The following SMARCA2 variants were observed in gnomAD, a reference collection of about 807,000 sequenced individuals.
SMARCA2 encodes the protein SWI/SNF-related matrix-associated actin-dependent regulator of chromatin subfamily A member 2.
In SMARCA2, 61 loss-of-function variants were observed where a neutral mutation model predicts 199.8. The observed-to-expected ratio is 0.31, with a 90% CI of 0.25 to 0.38. SMARCA2 has a LOEUF of 0.38. Ranked by LOEUF, SMARCA2 falls within the 10% of genes least tolerant of loss-of-function variation. SMARCA2 has a pLI of 1.00. For synonymous variants in SMARCA2, 935 were observed against 732.0 expected, an observed-to-expected ratio of 1.28 and a Z score of -4.48; for missense variants, 1,344 against 2,012.2, an observed-to-expected ratio of 0.67 and a Z score of 6.35.
intron 19 of SMARCA2, among the ~76,000 whole-genome samples, chr9:2,095,685 A>G (rs1474225765): frequency 1.3e-5 from 2 of 152,232 alleles, no homozygotes; most frequent in African/African-American, 2.4e-5. Context: ...TTCGAAAGCA[A>G]CAATTGAAGG....
At position 2,123,996 on chromosome 9, in the gene SMARCA2, A is replaced by AAACCAGGGGCCTAGAGC. The variant is rs1465160726; in HGVS notation, c.3981+60_3981+76dup. On this transcript the variant is annotated intron_variant, in intron 27 of 33. Transcript: ENST00000349721. The surrounding 1 kb of genome is among the most constrained non-coding windows in gnomAD (Gnocchi z 4.1). Reference sequence around the variant, plus strand: ...GTGGAGGGTTTTTGGTGGCTTGGAGAAACCAGGGGCCTAGAGCTGGGATTT... The same window carrying AAACCAGGGGCCTAGAGC: ...GTGGAGGGTTTTTGGTGGCTTGGAGAAACCAGGGGCCTAGAGCAACCAGGGGCCTAGAGCTGGGATTT... 10 of 1,365,168 alleles carry AAACCAGGGGCCTAGAGC rather than the reference A, an allele frequency of 7.3e-6. No homozygotes were observed. Among genetic ancestry groups the AAACCAGGGGCCTAGAGC allele is most frequent in the South Asian group, 6.3e-5 (5 of 79,924 alleles). The allele number at this position is 1,365,168 out of a possible 1,614,324, so 84.6% of individuals were successfully genotyped here. A position where few individuals can be genotyped will look rare whatever the true frequency, so the allele number is the denominator to read the frequency against.
At chr9:2,192,618 T>C in intron 33 of SMARCA2, 86 bp from the exon 34 acceptor site, 1 of 919,644 alleles carries the variant, frequency 1.1e-6, no homozygotes, top group Non-Finnish European at 1.8e-6. Flanking sequence ...CATTTTTTCC[T>C]ACTGGCCTCT....
At position 2,101,609 on chromosome 9, in the gene SMARCA2, A is replaced by G. The variant is rs1822518181; in HGVS notation, c.3118A>G (p.Ile1040Val). 2.6e-6 allele frequency: 4 copies of G among 1,542,536 alleles called. No homozygotes were observed. Among genetic ancestry groups the G allele is most frequent in the African/African-American group, 2.7e-5 (2 of 72,858 alleles). ...ACACCTAGGCTATTCAAATGGGGTCATCAATGGGTAAATCTCAAATTTTTT... is the reference window on the plus strand; with the variant it reads ...ACACCTAGGCTATTCAAATGGGGTCGTCAATGGGTAAATCTCAAATTTTTT... ...AEHLGYSNGV[I>V]NGAELYRASG... Residue 1040 changes from isoleucine (I) to valine (V), a missense_variant, in exon 22 of 34, where the codon ATC becomes GTC. By Grantham distance (29) the Ile-to-Val change is conservative. Coordinates refer to ENST00000349721, the MANE Select transcript of SMARCA2 (RefSeq NM_003070.5).
chr9:2,165,633 G>A (rs1378751726), intron 28 of SMARCA2, among the ~76,000 whole-genome samples: 1 of 152,152 alleles, frequency 6.6e-6, no homozygotes, highest in African/African-American at 2.4e-5. Flanking sequence ...TTATTTAGAA[G>A]CTTTTAAAAA....
At chr9:2,060,205 A>G (rs1475862515) in intron 8 of SMARCA2, among the ~76,000 whole-genome samples, 1 of 152,006 alleles carries the variant, frequency 6.6e-6, no homozygotes, top group Non-Finnish European at 1.5e-5. Context: ...CCAAAAAGAA[A>G]GACTTTTTAA....
intron 9 of SMARCA2, 145 bp from the exon 10 acceptor site, chr9:2,070,273 A>G (rs1821032870): frequency 2.8e-6 from 2 of 722,290 alleles, no homozygotes; most frequent in Non-Finnish European, 2.5e-6. Flanking sequence ...GCAAAGACAA[A>G]TGAACATAAA....
At chr9:2,183,383 T>A (rs1827197665) in intron 31 of SMARCA2, among the ~76,000 whole-genome samples, 1 of 152,200 alleles carries the variant, frequency 6.6e-6, no homozygotes, top group Non-Finnish European at 1.5e-5. Context: ...TAAGAGTATA[T>A]AAATGAACTG....
At chr9:2,096,971 T>C in intron 20 of SMARCA2, 1 of 561,498 alleles carries the variant, frequency 1.8e-6, no homozygotes, top group Non-Finnish European at 3.2e-6. Context: ...TATGTTCATA[T>C]TACCAAAATA....
chr9:2,025,419 C>T (rs1374361488), intron 1 of SMARCA2, among the ~76,000 whole-genome samples: 2 of 152,150 alleles, frequency 1.3e-5, no homozygotes, highest in East Asian at 3.8e-4. Flanking sequence ...TTTTCTGTGA[C>T]AACGGGAAAC....
intron 28 of SMARCA2, among the ~76,000 whole-genome samples, chr9:2,162,404 C>G (rs1319258192): frequency 6.6e-6 from 1 of 152,170 alleles, no homozygotes; most frequent in Non-Finnish European, 1.5e-5. Flanking sequence ...TCTCTTTCTT[C>G]CTAATACCAC....
rs1229255466 is a variant in SMARCA2, at chr9:2,104,548, A to T, written c.3292+379A>T. ...TTCAGTTAAGGCATATTTTAAGGGG[A>T]TAAAGGCTATGTCACTTTTCTTTGT... is the stretch of plus-strand genomic sequence containing the variant. On this transcript the variant is annotated intron_variant, in intron 23 of 33. Coordinates refer to ENST00000349721, the MANE Select transcript of SMARCA2 (RefSeq NM_003070.5). The surrounding 1 kb of genome is among the most constrained non-coding windows in gnomAD (Gnocchi z 4.0). Among the ~76,000 whole-genome samples, 1 of 152,202 alleles carries T rather than the reference A, an allele frequency of 6.6e-6. No individual in the cohort carries two copies. Among genetic ancestry groups the T allele is most frequent in the Non-Finnish European group, 1.5e-5 (1 of 68,042 alleles).
At chr9:2,150,336 T>C (rs1824998602) in intron 27 of SMARCA2, among the ~76,000 whole-genome samples, 1 of 151,636 alleles carries the variant, frequency 6.6e-6, no homozygotes, top group African/African-American at 2.4e-5. Context: ...GCTCAGCCAA[T>C]CACTCTGGCT....
At chr9:2,075,916 A>G (rs887142233) in intron 12 of SMARCA2, among the ~76,000 whole-genome samples, 1 of 152,246 alleles carries the variant, frequency 6.6e-6, no homozygotes, top group Non-Finnish European at 1.5e-5. Context: ...GATATGCTCT[A>G]CAGGACTCTG....
intron 5 of SMARCA2, among the ~76,000 whole-genome samples, chr9:2,052,469 C>A (rs1048027735): frequency 6.6e-6 from 1 of 152,176 alleles, no homozygotes; most frequent in Non-Finnish European, 1.5e-5. Flanking sequence ...GAGCGAGACT[C>A]CATCTCAAAC....
At chr9:2,137,319 C>G (rs1306457247) in intron 27 of SMARCA2, among the ~76,000 whole-genome samples, 1 of 152,216 alleles carries the variant, frequency 6.6e-6, no homozygotes, top group Non-Finnish European at 1.5e-5. Context: ...ACTCCTGCAT[C>G]AGGTTCTCCA....
chr9:2,029,735 A>G (rs1818980290), intron 2 of SMARCA2, among the ~76,000 whole-genome samples: 1 of 152,240 alleles, frequency 6.6e-6, no homozygotes, highest in African/African-American at 2.4e-5. Context: ...AATAGTTTCT[A>G]GGGAATCCTT....
intron 33 of SMARCA2, chr9:2,192,449 C>CA (rs1827949209): frequency 2.1e-6 from 1 of 485,696 alleles, no homozygotes; most frequent in Non-Finnish European, 3.7e-6. Flanking sequence ...ATAAACCTTT[C>CA]AAGCCAAAGT....
In SMARCA2 at chr9:2,096,659, G is replaced by T; in HGVS notation, c.2886G>T (p.Val962=). 1 of 1,608,590 alleles carries T rather than the reference G, an allele frequency of 6.2e-7. No homozygotes were observed. Among genetic ancestry groups the T allele is most frequent in the Non-Finnish European group, 8.5e-7 (1 of 1,174,998 alleles). The change falls in exon 20 of 34, where the codon GTG becomes GTT. Residue 962 remains valine (V), a splice_region_variant and synonymous_variant. Transcript: ENST00000349721. ...KEVESQLPEK[V]EYVIKCDMSA... ...ACTTACTGTTCTCTTTTCTGCAGGT[G>T]GAATATGTGATCAAGTGTGACATGT...
intron 29 of SMARCA2, among the ~76,000 whole-genome samples, chr9:2,177,782 C>T (rs993414594): frequency 1.2e-4 from 18 of 152,112 alleles, no homozygotes; most frequent in Non-Finnish European, 2.2e-4. Context: ...GAACTCCTGA[C>T]CTCAGGTGAT....
Sources: gnomAD v4.1 joint callset for allele counts (sites outside exome capture counted in the v4.1 genomes callset) on GRCh38, gnomAD v4.1.1 for gene constraint, Gnocchi (gnomAD v3.1) non-coding constraint, MANE v1.5 for transcripts, NCBI Gene and HGNC (gene_info 2026-07-23, HGNC 2026-07-21) for gene names.